HEMK2: variants seen among roughly 807,000 people sequenced by gnomAD.
HEMK2 encodes HemK methyltransferase 2, ETF1 glutamine and histone H4 lysine, also known as methyltransferase HEMK2.
At chr21:28,748,070 T>A in the HEMK2 span, among the ~76,000 whole-genome samples, 1 of 152,188 alleles carries the variant, frequency 6.6e-6, no homozygotes, top group African/African-American at 2.4e-5. Flanking sequence ...GTATTGTGTA[T>A]GCATGAACAT....
At chr21:28,583,651 T>G in the HEMK2 span, among the ~76,000 whole-genome samples, 3 of 152,134 alleles carry the variant, frequency 2.0e-5, no homozygotes, top group Non-Finnish European at 4.4e-5. Flanking sequence ...TCAGAGAACA[T>G]GTCTATCTTT....
chr21:28,723,572 C>A, the HEMK2 span, among the ~76,000 whole-genome samples: 3 of 152,174 alleles, frequency 2.0e-5, no homozygotes, highest in Admixed American at 6.5e-5. Context: ...GAAGTTTACA[C>A]AGAGATTAAA....
At chr21:28,687,589 G>GT in the HEMK2 span, among the ~76,000 whole-genome samples, 84,607 of 152,044 alleles carry the variant, frequency 0.56, 26,213 homozygotes, top group East Asian at 0.84. Flanking sequence ...AGACCAACTT[G>GT]TTTTTTTCAA....
At chr21:28,599,658 A>C in the HEMK2 span, among the ~76,000 whole-genome samples, 5 of 152,150 alleles carry the variant, frequency 3.3e-5, no homozygotes. Context: ...ACAGTCCACC[A>C]AAGTCTTAAC....
chr21:28,719,615 T>C, the HEMK2 span, among the ~76,000 whole-genome samples: 2 of 152,278 alleles, frequency 1.3e-5, no homozygotes, highest in Admixed American at 1.3e-4. Flanking sequence ...GAGAACAGAA[T>C]AATACACCAA....
At chr21:28,839,650 A>G in the HEMK2 span, among the ~76,000 whole-genome samples, 1 of 152,124 alleles carries the variant, frequency 6.6e-6, no homozygotes, top group Non-Finnish European at 1.5e-5. Flanking sequence ...ACTTAGGAAT[A>G]TACTAACAAA....
chr21:28,711,321 T>A, the HEMK2 span, among the ~76,000 whole-genome samples: 1 of 152,168 alleles, frequency 6.6e-6, no homozygotes. Flanking sequence ...ACACCATTAG[T>A]GCCTTTTCAA....
the HEMK2 span, among the ~76,000 whole-genome samples, chr21:28,732,169 GCC>G: frequency 1.3e-5 from 2 of 152,208 alleles, no homozygotes; most frequent in South Asian, 2.1e-4. Context: ...GCTATTTCTA[GCC>G]CTACATGCTG....
the HEMK2 span, among the ~76,000 whole-genome samples, chr21:28,619,553 C>T: frequency 6.6e-6 from 1 of 152,154 alleles, no homozygotes; most frequent in Admixed American, 6.5e-5. Flanking sequence ...CTAAAATAAA[C>T]TGGTAAAACA....
chr21:28,624,481 G>A, the HEMK2 span, among the ~76,000 whole-genome samples: 12 of 152,200 alleles, frequency 7.9e-5, no homozygotes, highest in Admixed American at 7.9e-4. Context: ...TCTGTTTGCT[G>A]CTGTCATCGA....
the HEMK2 span, among the ~76,000 whole-genome samples, chr21:28,767,069 G>A: frequency 0.011 from 1,650 of 152,064 alleles, 25 homozygotes; most frequent in African/African-American, 0.037. Context: ...GGTCTTTCCC[G>A]TGCTGTTCTT....
chr21:28,865,386 C>T, the HEMK2 span, among the ~76,000 whole-genome samples: 7 of 152,146 alleles, frequency 4.6e-5, no homozygotes, highest in Admixed American at 1.3e-4. Context: ...GGCTGGGTCT[C>T]GGACTCCTGG....
At chr21:28,851,411 G>A in the HEMK2 span, among the ~76,000 whole-genome samples, 1 of 152,174 alleles carries the variant, frequency 6.6e-6, no homozygotes, top group East Asian at 1.9e-4. Flanking sequence ...TCAGGTCACT[G>A]GATAAATCGG....
the HEMK2 span, among the ~76,000 whole-genome samples, chr21:28,728,932 G>T: frequency 2.0e-5 from 3 of 152,168 alleles, no homozygotes; most frequent in Non-Finnish European, 2.9e-5. Context: ...AGGGAGCTGT[G>T]ACTCCTGGTG....
the HEMK2 span, among the ~76,000 whole-genome samples, chr21:28,829,655 T>A: frequency 1.3e-5 from 2 of 152,206 alleles, no homozygotes; most frequent in Non-Finnish European, 2.9e-5. Context: ...CAGTATCCCA[T>A]TCTCAGCTGC....
the HEMK2 span, among the ~76,000 whole-genome samples, chr21:28,763,843 T>C: frequency 6.6e-6 from 1 of 152,204 alleles, no homozygotes; most frequent in Non-Finnish European, 1.5e-5. Context: ...ACTACTCTCT[T>C]CCTGAGGTGA....
chr21:28,592,276 T>G, the HEMK2 span, among the ~76,000 whole-genome samples: 2 of 152,194 alleles, frequency 1.3e-5, no homozygotes, highest in Non-Finnish European at 2.9e-5. Context: ...CATTGTAATT[T>G]TGATTTGCAT....
the HEMK2 span, among the ~76,000 whole-genome samples, chr21:28,631,032 G>GA: frequency 6.6e-6 from 1 of 152,144 alleles, no homozygotes; most frequent in South Asian, 2.1e-4. Flanking sequence ...AGAGAGTAAT[G>GA]AATCTCCCCA....
chr21:28,776,818 C>A, the HEMK2 span, among the ~76,000 whole-genome samples: 2 of 152,164 alleles, frequency 1.3e-5, no homozygotes, highest in Non-Finnish European at 2.9e-5. Context: ...CTGGAAGACT[C>A]AGGCAATCTA....
Sources: gnomAD v4.1 joint callset for allele counts (sites outside exome capture counted in the v4.1 genomes callset) on GRCh38, gnomAD v4.1.1 for gene constraint, MANE v1.5 for transcripts, NCBI Gene and HGNC (gene_info 2026-07-23, HGNC 2026-07-21) for gene names.